SLC24A2: variants seen among roughly 807,000 people sequenced by gnomAD.
SLC24A2 encodes sodium/potassium/calcium exchanger 2.
Under a neutral mutation model 62.0 loss-of-function variants are expected in SLC24A2, and 36 were observed. That is an observed-to-expected ratio of 0.58 (90% CI 0.44 to 0.77). SLC24A2 has a LOEUF of 0.77. Among genes scored for constraint, SLC24A2 ranks in the 30% least tolerant of loss-of-function variants. The pLI is 0.00. For synonymous variants in SLC24A2, 358 were observed against 294.0 expected (o/e 1.22, Z -2.23); for missense variants, 846 against 817.9 (o/e 1.03, Z -0.42).
chr9:20,275,449 T>C, the SLC24A2 span, among the ~76,000 whole-genome samples: 2 of 152,210 alleles, frequency 1.3e-5, no homozygotes, highest in African/African-American at 4.8e-5. Context: ...GTTTAGGCTT[T>C]AGAAATATCT....
the SLC24A2 span, among the ~76,000 whole-genome samples, chr9:20,039,088 A>C: frequency 1.3e-5 from 2 of 152,216 alleles, no homozygotes; most frequent in African/African-American, 4.8e-5. Context: ...GGAGAAAAAG[A>C]AAGCAAGAGG....
At chr9:19,761,631 C>A (rs545093534) in intron 2 of SLC24A2, among the ~76,000 whole-genome samples, 4 of 152,008 alleles carry the variant, frequency 2.6e-5, no homozygotes, top group Admixed American at 1.3e-4. Context: ...GTCCCTCCCC[C>A]CTTTCCCCCA....
At chr9:19,688,984 T>A (rs1679886552) in intron 2 of SLC24A2, among the ~76,000 whole-genome samples, 2 of 152,150 alleles carry the variant, frequency 1.3e-5, no homozygotes, top group South Asian at 4.1e-4. Context: ...TTAATATACA[T>A]TTATCAAAAC....
intron 2 of SLC24A2, among the ~76,000 whole-genome samples, chr9:19,638,770 C>T (rs1241375568): frequency 6.7e-6 from 1 of 149,416 alleles, no homozygotes; most frequent in East Asian, 2.0e-4. Flanking sequence ...GTTTAATCAT[C>T]AGATTAAATA....
At chr9:20,003,891 G>GAA in the SLC24A2 span, among the ~76,000 whole-genome samples, 6 of 115,910 alleles carry the variant, frequency 5.2e-5, no homozygotes, top group African/African-American at 1.5e-4. Context: ...GATGTTTAAC[G>GAA]AAAAAAAAAA....
At chr9:19,717,532 C>A (rs1351839795) in intron 2 of SLC24A2, among the ~76,000 whole-genome samples, 2 of 152,078 alleles carry the variant, frequency 1.3e-5, no homozygotes, top group East Asian at 3.9e-4. Context: ...TCAGAGGTCA[C>A]TAAGAACATA....
At chr9:19,516,571 T>G (rs1832940161) in intron 10 of SLC24A2, among the ~76,000 whole-genome samples, 169 bp from the exon 11 acceptor site, 1 of 152,176 alleles carries the variant, frequency 6.6e-6, no homozygotes, top group Non-Finnish European at 1.5e-5. Flanking sequence ...GGAAACCACT[T>G]TATAAGGAAA....
intron 7 of SLC24A2, among the ~76,000 whole-genome samples, chr9:19,571,376 A>G (rs1429012682): frequency 6.6e-6 from 1 of 152,138 alleles, no homozygotes; most frequent in Non-Finnish European, 1.5e-5. Context: ...CTATCAGAGA[A>G]TAAGGGTAAC....
chr9:19,855,828 G>C, the SLC24A2 span, among the ~76,000 whole-genome samples: 2 of 152,176 alleles, frequency 1.3e-5, no homozygotes, highest in Non-Finnish European at 2.9e-5. Context: ...TTGAATGTTA[G>C]CCTGTCTTGC....
At chr9:20,201,034 T>C in the SLC24A2 span, among the ~76,000 whole-genome samples, 1 of 152,150 alleles carries the variant, frequency 6.6e-6, no homozygotes, top group Non-Finnish European at 1.5e-5. Context: ...CAGAGTCCAG[T>C]TTGCATCTCC....
the SLC24A2 span, among the ~76,000 whole-genome samples, chr9:20,103,073 G>T: frequency 1.3e-5 from 2 of 152,264 alleles, no homozygotes; most frequent in East Asian, 3.9e-4. Flanking sequence ...AGTGTCCTAC[G>T]CCCACGGAGT....
the SLC24A2 span, among the ~76,000 whole-genome samples, chr9:19,821,508 CA>C: frequency 6.6e-6 from 1 of 152,206 alleles, no homozygotes; most frequent in Non-Finnish European, 1.5e-5. Context: ...GGCTGAAAAA[CA>C]CTCAGAATGC....
chr9:20,268,043 A>G, the SLC24A2 span, among the ~76,000 whole-genome samples: 6 of 152,068 alleles, frequency 3.9e-5, no homozygotes, highest in African/African-American at 1.2e-4. Flanking sequence ...GTTATCTGCT[A>G]TTTAGCTCCT....
chr9:19,744,019 C>A (rs1821756362), intron 2 of SLC24A2, among the ~76,000 whole-genome samples: 2 of 152,150 alleles, frequency 1.3e-5, no homozygotes, highest in South Asian at 4.1e-4. Flanking sequence ...TCACCGCAAC[C>A]ACTCACGCTG....
At chr9:19,524,899 G>C (rs1196654566) in intron 9 of SLC24A2, among the ~76,000 whole-genome samples, 1 of 152,080 alleles carries the variant, frequency 6.6e-6, no homozygotes, top group Non-Finnish European at 1.5e-5. Context: ...AAATATCTGG[G>C]AAACAACATA....
the SLC24A2 span, among the ~76,000 whole-genome samples, chr9:19,963,398 C>T: frequency 2.7e-5 from 4 of 150,726 alleles, no homozygotes; most frequent in Admixed American, 1.3e-4. Flanking sequence ...AGCTTCTGCA[C>T]AGCAAAAGAA....
At chr9:19,558,867 G>C (rs534040649) in intron 7 of SLC24A2, among the ~76,000 whole-genome samples, 13 of 152,296 alleles carry the variant, frequency 8.5e-5, no homozygotes, top group African/African-American at 2.9e-4. Flanking sequence ...CTGGTAAAAA[G>C]GTATGTGCCT....
At chr9:19,623,645 A>T (rs1422926832) in intron 2 of SLC24A2, among the ~76,000 whole-genome samples, 1 of 152,248 alleles carries the variant, frequency 6.6e-6, no homozygotes, top group Non-Finnish European at 1.5e-5. Flanking sequence ...TTGTTTTCAC[A>T]TGTAATGGAT....
chr9:19,955,080 G>A, the SLC24A2 span, among the ~76,000 whole-genome samples: 1 of 151,890 alleles, frequency 6.6e-6, no homozygotes, highest in East Asian at 1.9e-4. Flanking sequence ...TCAATTCTAA[G>A]ATACAAATAT....
Sources: gnomAD v4.1 joint callset for allele counts (sites outside exome capture counted in the v4.1 genomes callset) on GRCh38, gnomAD v4.1.1 for gene constraint, MANE v1.5 for transcripts, NCBI Gene and HGNC (gene_info 2026-07-23, HGNC 2026-07-21) for gene names.